Variants in MTOR observed in about 807,000 individuals in gnomAD.
MTOR encodes the protein mechanistic target of rapamycin kinase.
In MTOR, 70 loss-of-function variants were observed where a neutral mutation model predicts 319.8. The ratio of observed to expected loss-of-function variants is 0.22; its 90% CI spans 0.18 to 0.27. The LOEUF is 0.27. MTOR is among the 10% of genes least tolerant of loss of function. MTOR has a pLI of 1.00. For missense variants in MTOR, 1,890 were observed against 3,274.4 expected (o/e 0.58, Z 10.32); for synonymous variants, 1,183 against 1,211.4 (o/e 0.98, Z 0.49).
At chr1:11,230,139 G>A (rs1036172266) in intron 18 of MTOR, among the ~76,000 whole-genome samples, 18 of 149,234 alleles carry the variant, frequency 1.2e-4, no homozygotes, top group South Asian at 6.4e-4. Context: ...AAAAAAAGGC[G>A]TCCAGGCACA....
At chr1:11,174,014 A>G (rs1644906921) in intron 28 of MTOR, among the ~76,000 whole-genome samples, 1 of 152,238 alleles carries the variant, frequency 6.6e-6, no homozygotes, top group Non-Finnish European at 1.5e-5. Flanking sequence ...GACCCTGTGA[A>G]ACTATTATTA....
intron 11 of MTOR, 149 bp from the exon 12 acceptor site, chr1:11,238,766 CTTTTT>C: frequency 2.1e-6 from 1 of 477,150 alleles, no homozygotes; most frequent in South Asian, 2.8e-5. Flanking sequence ...CGGAACTCTT[CTTTTT>C]TTTTTTTTTG....
chr1:11,160,372 T>G (rs186945962), intron 29 of MTOR, among the ~76,000 whole-genome samples: 2 of 152,294 alleles, frequency 1.3e-5, no homozygotes, highest in Non-Finnish European at 2.9e-5. Flanking sequence ...AGTGCTGGGA[T>G]TGTAGGCGTG....
chr1:11,111,983 A>C (rs370544660), intron 54 of MTOR, among the ~76,000 whole-genome samples: 1 of 109,744 alleles, frequency 9.1e-6, no homozygotes, highest in East Asian at 2.7e-4. Flanking sequence ...AACAAACAAA[A>C]AAACCCCCCA....
chr1:11,124,667 C>T, intron 46 of MTOR, 34 bp from the exon 47 acceptor site: 4 of 1,585,866 alleles, frequency 2.5e-6, no homozygotes, highest in Non-Finnish European at 3.5e-6. Flanking sequence ...GAGTGTACAT[C>T]AGAGGTCCTC....
chr1:11,224,828 A>T (rs1646778448), intron 19 of MTOR, among the ~76,000 whole-genome samples: 1 of 152,244 alleles, frequency 6.6e-6, no homozygotes, highest in South Asian at 2.1e-4. Context: ...TAACACTGGA[A>T]AATATTTCTG....
At chr1:11,194,716 T>G in intron 28 of MTOR, 1 of 1,610,632 alleles carries the variant, frequency 6.2e-7, no homozygotes, top group Non-Finnish European at 8.5e-7. Context: ...TAATCCCACT[T>G]GAGGAGAAAG....
intron 45 of MTOR, 82 bp from the exon 46 acceptor site, chr1:11,126,878 C>A: frequency 1.9e-6 from 3 of 1,578,556 alleles, no homozygotes; most frequent in Non-Finnish European, 1.7e-6. Flanking sequence ...CAGTGGATTG[C>A]TAATAACAAT....
intron 19 of MTOR, among the ~76,000 whole-genome samples, chr1:11,225,831 G>A (rs1384956896): frequency 6.6e-6 from 1 of 152,114 alleles, no homozygotes; most frequent in Non-Finnish European, 1.5e-5. Flanking sequence ...TAAAATGTAA[G>A]AGAACAGTGT....
chr1:11,173,367 T>C (rs1001404629), intron 28 of MTOR, among the ~76,000 whole-genome samples: 1 of 152,046 alleles, frequency 6.6e-6, no homozygotes, highest in Non-Finnish European at 1.5e-5. Context: ...CTCAGGCCAC[T>C]GCAACCTCCA....
At chr1:11,131,612 CA>C (rs1015011200) in intron 38 of MTOR, 3 of 152,286 alleles carry the variant, frequency 2.0e-5, no homozygotes, top group African/African-American at 7.2e-5. Flanking sequence ...GACAGAGAAC[CA>C]GTGCTCAATG....
chr1:11,247,338 A>G (rs529329167), intron 8 of MTOR, among the ~76,000 whole-genome samples: 1 of 152,292 alleles, frequency 6.6e-6, no homozygotes, highest in East Asian at 1.9e-4. Context: ...AGCTACATCA[A>G]AACTGCCCTT....
intron 53 of MTOR, among the ~76,000 whole-genome samples, chr1:11,113,453 T>C (rs1232508979): frequency 1.3e-5 from 2 of 152,210 alleles, no homozygotes; most frequent in African/African-American, 2.4e-5. Flanking sequence ...TGTAATGCAA[T>C]AGCTCTGCAA....
intron 26 of MTOR, among the ~76,000 whole-genome samples, chr1:11,203,682 T>G (rs2100761865): frequency 6.6e-6 from 1 of 152,206 alleles, no homozygotes; most frequent in East Asian, 1.9e-4. Flanking sequence ...AAAGAAAAAA[T>G]AAATTCTGGC....
At chr1:11,200,462 T>G (rs1472265493) in intron 26 of MTOR, among the ~76,000 whole-genome samples, 1 of 152,208 alleles carries the variant, frequency 6.6e-6, no homozygotes, top group Non-Finnish European at 1.5e-5. Context: ...CAGTACCACA[T>G]GATGGACACA....
intron 13 of MTOR, among the ~76,000 whole-genome samples, chr1:11,237,438 GAAC>G (rs1436688563): frequency 1.3e-5 from 2 of 152,098 alleles, no homozygotes; most frequent in African/African-American, 2.4e-5. Context: ...TTTTTGTGAA[GAAC>G]AACGGCCTCC....
At chr1:11,248,839 A>G (rs914541425) in intron 6 of MTOR, among the ~76,000 whole-genome samples, 6 of 152,122 alleles carry the variant, frequency 3.9e-5, no homozygotes, top group Non-Finnish European at 4.4e-5. Flanking sequence ...AAACTTAACC[A>G]AATAATTTTC....
At chr1:11,149,470 C>T (rs1644059280) in intron 31 of MTOR, 1 of 152,226 alleles carries the variant, frequency 6.6e-6, no homozygotes, top group Admixed American at 6.5e-5. Flanking sequence ...GCACTCCAGA[C>T]CCTTCTAGAC....
At chr1:11,171,518 A>G (rs1282543895) in intron 28 of MTOR, among the ~76,000 whole-genome samples, 1 of 152,024 alleles carries the variant, frequency 6.6e-6, no homozygotes, top group African/African-American at 2.4e-5. Flanking sequence ...AAAAACAAAA[A>G]CAAATACAAG....
Sources: allele counts gnomAD v4.1 joint callset (sites outside exome capture counted in the v4.1 genomes callset), GRCh38; gene constraint gnomAD v4.1.1; transcripts MANE v1.5; gene names NCBI Gene and HGNC (gene_info 2026-07-23, HGNC 2026-07-21).